Variants in ASCC3 observed in about 807,000 individuals in gnomAD.
ASCC3 encodes the protein ASC-1 complex subunit P200.
Under a neutral mutation model 256.3 loss-of-function variants are expected in ASCC3, and 158 were observed. The ratio of observed to expected loss-of-function variants is 0.62; its 90% confidence interval spans 0.54 to 0.70. The LOEUF is 0.70. Ranked by LOEUF, ASCC3 falls within the 30% of genes least tolerant of loss-of-function variation. The pLI, the probability that ASCC3 is intolerant of heterozygous loss-of-function variation, is 0.00. For synonymous variants in ASCC3, 948 were observed against 883.4 expected (o/e 1.07, Z -1.30); for missense variants, 2,259 against 2,626.0 (o/e 0.86, Z 3.05).
chr6:100,561,134 A>G (rs1248151714), intron 36 of ASCC3, among the ~76,000 whole-genome samples: 1 of 152,022 alleles, frequency 6.6e-6, no homozygotes. Context: ...AAAAGAAAAA[A>G]AAAAAAAACC....
chr6:100,568,311 T>A (rs1207228511), intron 36 of ASCC3, among the ~76,000 whole-genome samples: 1 of 149,284 alleles, frequency 6.7e-6, no homozygotes, highest in Non-Finnish European at 1.5e-5. Flanking sequence ...GAGACTGCAG[T>A]GAGCAGAGAT....
chr6:100,649,332 TTAAC>T (rs1246868496), intron 20 of ASCC3, among the ~76,000 whole-genome samples: 1 of 151,724 alleles, frequency 6.6e-6, no homozygotes, highest in Non-Finnish European at 1.5e-5. Flanking sequence ...ATTTAAATGA[TTAAC>T]TATTTCAATA....
At chr6:100,685,911 C>A (rs1387319641) in intron 13 of ASCC3, among the ~76,000 whole-genome samples, 1 of 152,212 alleles carries the variant, frequency 6.6e-6, no homozygotes, top group Non-Finnish European at 1.5e-5. Flanking sequence ...TGCGAGCCAG[C>A]TGAAGACACT....
chr6:100,719,835 A>T (rs1257784774), intron 11 of ASCC3, among the ~76,000 whole-genome samples: 1 of 152,006 alleles, frequency 6.6e-6, no homozygotes, highest in Non-Finnish European at 1.5e-5. Flanking sequence ...GTTCTGATAA[A>T]GTCTCCCTAC....
At chr6:100,564,361 A>G (rs1582456456) in intron 36 of ASCC3, among the ~76,000 whole-genome samples, 1 of 152,028 alleles carries the variant, frequency 6.6e-6, no homozygotes, top group East Asian at 1.9e-4. Flanking sequence ...TTCATCCCCC[A>G]TACTCCCAGG....
At chr6:100,673,655 T>C (rs1776866707) in intron 14 of ASCC3, among the ~76,000 whole-genome samples, 1 of 152,222 alleles carries the variant, frequency 6.6e-6, no homozygotes. Flanking sequence ...CATGTTAGAC[T>C]ACACTGAAAT....
intron 22 of ASCC3, among the ~76,000 whole-genome samples, chr6:100,645,487 G>C (rs78370525): frequency 0.03 from 4,580 of 152,070 alleles, 77 homozygotes; most frequent in African/African-American, 0.055. Context: ...AAAATTCATT[G>C]ACATTAAAGA....
At chr6:100,809,825 G>A (rs1330759075) in intron 4 of ASCC3, among the ~76,000 whole-genome samples, 1 of 152,050 alleles carries the variant, frequency 6.6e-6, no homozygotes, top group Non-Finnish European at 1.5e-5. Flanking sequence ...GTAAATGGAT[G>A]AGGCTACTCT....
At chr6:100,873,791 G>A (rs1436883895) in intron 1 of ASCC3, among the ~76,000 whole-genome samples, 2 of 152,160 alleles carry the variant, frequency 1.3e-5, no homozygotes, top group Non-Finnish European at 2.9e-5. Context: ...CTTCATAAAT[G>A]AAGGGATGGT....
At chr6:100,875,348 A>T (rs1188741542) in intron 1 of ASCC3, among the ~76,000 whole-genome samples, 7 of 152,186 alleles carry the variant, frequency 4.6e-5, no homozygotes, top group Non-Finnish European at 1.0e-4. Flanking sequence ...AAGAGGAATG[A>T]TAATTCTGTT....
intron 13 of ASCC3, among the ~76,000 whole-genome samples, chr6:100,711,816 T>C (rs945895464): frequency 6.6e-6 from 1 of 152,204 alleles, no homozygotes; most frequent in East Asian, 1.9e-4. Context: ...AAAATTATGA[T>C]GCAAAATGTT....
chr6:100,668,681 A>G (rs1317019526), intron 14 of ASCC3, among the ~76,000 whole-genome samples: 10 of 152,000 alleles, frequency 6.6e-5, no homozygotes, highest in Non-Finnish European at 1.0e-4. Flanking sequence ...GAACTTTAGA[A>G]AACAGAATTC....
chr6:100,510,335 T>C (rs932750629), intron 40 of ASCC3: 2 of 521,556 alleles, frequency 3.8e-6, no homozygotes, highest in African/African-American at 3.8e-5. Context: ...TAGTTCGTAG[T>C]TGTAACTATC....
At chr6:100,850,796 A>G (rs1023015980) in intron 3 of ASCC3, among the ~76,000 whole-genome samples, 20 of 152,274 alleles carry the variant, frequency 1.3e-4, no homozygotes, top group African/African-American at 4.8e-4. Context: ...AATTAATTCA[A>G]TAGCATTTAT....
rs1181353229 is a variant in ASCC3 at position 100,766,458 on chromosome 6, T to C, written c.1737+107A>G. 4.3e-6 allele frequency: 5 copies of C among 1,173,186 alleles called. No homozygotes were observed. In the African/African-American group the frequency reaches 4.6e-5, roughly 11 times the overall value. The allele number at this position is 1,173,186 out of a possible 1,614,324, so 72.7% of individuals were successfully genotyped here. ...TTACAAATAAAAGTTCACTATATTA[T>C]GTTTGTATTATGTATTCTAGTTATT... On this transcript the variant is annotated intron_variant, in intron 10 of 41. Coordinates refer to ENST00000369162, the MANE Select transcript of ASCC3 (RefSeq NM_006828.4).
At chr6:100,638,900 T>C in intron 24 of ASCC3, 79 bp from the exon 25 acceptor site, 2 of 1,178,056 alleles carry the variant, frequency 1.7e-6, no homozygotes, top group East Asian at 2.5e-5. Flanking sequence ...AAATAATAGA[T>C]TATAGTAATC....
intron 30 of ASCC3, among the ~76,000 whole-genome samples, chr6:100,615,948 T>C (rs1773645147): frequency 6.6e-6 from 1 of 152,212 alleles, no homozygotes; most frequent in African/African-American, 2.4e-5. Flanking sequence ...GGGAATTTTG[T>C]ACCATGAACT....
At chr6:100,732,450 C>T (rs1779946816) in intron 10 of ASCC3, among the ~76,000 whole-genome samples, 1 of 152,108 alleles carries the variant, frequency 6.6e-6, no homozygotes, top group Non-Finnish European at 1.5e-5. Context: ...ATAAAGGCTA[C>T]TGAAAATGAC....
chr6:100,758,579 T>A (rs1339777553), intron 10 of ASCC3, among the ~76,000 whole-genome samples: 2 of 152,230 alleles, frequency 1.3e-5, no homozygotes, highest in East Asian at 3.9e-4. Flanking sequence ...CATTCCTTTT[T>A]ATGGCTGCAT....
Sources: gnomAD v4.1 joint callset for allele counts (sites outside exome capture counted in the v4.1 genomes callset) on GRCh38, gnomAD v4.1.1 for gene constraint, MANE v1.5 for transcripts, NCBI Gene and HGNC (gene_info 2026-07-23, HGNC 2026-07-21) for gene names.